TBC1D22A: variants seen among roughly 807,000 people sequenced by gnomAD.
The protein encoded by TBC1D22A is TBC1 domain family member 22A, also known as putative GTPase activator.
In TBC1D22A, 38 loss-of-function variants were observed where a neutral mutation model predicts 60.2. The observed-to-expected ratio is 0.63, with a 90% CI of 0.49 to 0.83. The LOEUF is 0.83. Ranked by LOEUF, TBC1D22A falls within the 40% of genes least tolerant of loss-of-function variation. The pLI is 0.00. For synonymous variants in TBC1D22A, 302 were observed against 281.7 expected, an observed-to-expected ratio of 1.07 and a Z score of -0.72; for missense variants, 628 against 701.0, an observed-to-expected ratio of 0.90 and a Z score of 1.18.
intron 8 of TBC1D22A, among the ~76,000 whole-genome samples, chr22:46,935,316 A>G (rs1467916437): frequency 6.6e-6 from 1 of 152,212 alleles, no homozygotes; most frequent in Non-Finnish European, 1.5e-5. Flanking sequence ...TCAGGACTCT[A>G]AGTGATATCC....
intron 12 of TBC1D22A, among the ~76,000 whole-genome samples, chr22:47,152,787 G>T (rs2067556331): frequency 6.6e-6 from 1 of 152,224 alleles, no homozygotes; most frequent in Non-Finnish European, 1.5e-5. Flanking sequence ...GGCCGTGGCG[G>T]CAGAGCAGAG....
chr22:47,046,797 C>T (rs931014759), intron 11 of TBC1D22A, among the ~76,000 whole-genome samples: 2 of 152,172 alleles, frequency 1.3e-5, no homozygotes, highest in African/African-American at 4.8e-5. Context: ...CCAGGGACCC[C>T]TCTATCCCAG....
chr22:46,891,411 T>C lies in TBC1D22A; in HGVS notation c.837+17T>C. 1 of 1,590,344 alleles carries C rather than the reference T, an allele frequency of 6.3e-7. No homozygotes were observed. Among genetic ancestry groups the C allele is most frequent in the African/African-American group, 1.4e-5 (1 of 73,496 alleles). On this transcript the variant is annotated intron_variant, in intron 6 of 12. Coordinates refer to ENST00000337137, the MANE Select transcript of TBC1D22A (RefSeq NM_014346.5). ...TACAGGCAGGTGGGAATCCTTTCTTTTTTTCGTATGTTGCCTGATGTACTT... is the reference window on the plus strand; with the variant it reads ...TACAGGCAGGTGGGAATCCTTTCTTCTTTTCGTATGTTGCCTGATGTACTT...
intron 4 of TBC1D22A, among the ~76,000 whole-genome samples, chr22:46,798,693 A>G (rs2084763676): frequency 1.3e-5 from 2 of 152,204 alleles, no homozygotes; most frequent in African/African-American, 4.8e-5. Context: ...TGCTTCATTG[A>G]GGGGACAAAC....
At chr22:47,017,267 G>A (rs113771007) in intron 10 of TBC1D22A, among the ~76,000 whole-genome samples, 1 of 152,296 alleles carries the variant, frequency 6.6e-6, no homozygotes, top group East Asian at 1.9e-4. Flanking sequence ...TCACATGGGC[G>A]CATGGGAGGG....
chr22:46,834,832 G>A (rs1210652904), intron 4 of TBC1D22A, among the ~76,000 whole-genome samples: 5 of 152,170 alleles, frequency 3.3e-5, no homozygotes, highest in Non-Finnish European at 7.3e-5. Flanking sequence ...TTGGCAGCTG[G>A]CACAACTGCA....
rs377452726 is a variant in TBC1D22A, at chr22:46,783,608, CAT to C, written c.63-8911_63-8910del. ...CAGGAGCAGTTTTTTTTTTACCACTCATGTGTATCAAAAGTGATATATAGTAT... is the reference window on the plus strand; with the variant it reads ...CAGGAGCAGTTTTTTTTTTACCACTCGTGTATCAAAAGTGATATATAGTAT... On this transcript the variant is annotated intron_variant, in intron 1 of 12. Coordinates refer to ENST00000337137, the MANE Select transcript of TBC1D22A (RefSeq NM_014346.5). 1.8e-3 allele frequency among the ~76,000 whole-genome samples: 272 copies of C among 151,930 alleles called. 1 individual carries two copies. Among genetic ancestry groups the C allele is most frequent in the African/African-American group, 5.8e-3 (241 of 41,378 alleles).
intron 8 of TBC1D22A, among the ~76,000 whole-genome samples, chr22:46,957,793 C>T (rs933131473): frequency 4.6e-5 from 7 of 152,256 alleles, no homozygotes; most frequent in African/African-American, 1.7e-4. Context: ...AAGCGGATCA[C>T]ACCTCTTGCA....
At chr22:46,793,404 A>G in intron 2 of TBC1D22A, 97 bp from the exon 3 acceptor site, 1 of 1,184,036 alleles carries the variant, frequency 8.4e-7, no homozygotes, top group African/African-American at 1.5e-5. Flanking sequence ...AAAGCTGAAC[A>G]CTTCTATGCC....
At chr22:46,867,031 A>T (rs971779640) in intron 4 of TBC1D22A, among the ~76,000 whole-genome samples, 9 of 152,238 alleles carry the variant, frequency 5.9e-5, no homozygotes, top group Admixed American at 5.9e-4. Flanking sequence ...TTGTCATTTC[A>T]TGACAGCTGT....
chr22:46,766,744 G>T (rs1433703290), intron 1 of TBC1D22A, among the ~76,000 whole-genome samples: 4 of 152,054 alleles, frequency 2.6e-5, no homozygotes, highest in African/African-American at 9.7e-5. Context: ...CAACATGTTG[G>T]TGTGGATGGT....
intron 11 of TBC1D22A, among the ~76,000 whole-genome samples, chr22:47,080,513 T>A (rs1316362280): frequency 6.6e-6 from 1 of 152,018 alleles, no homozygotes; most frequent in Non-Finnish European, 1.5e-5. Flanking sequence ...TTCAAAGAAG[T>A]CAAAGGGAAA....
intron 8 of TBC1D22A, among the ~76,000 whole-genome samples, chr22:46,973,136 G>A (rs910942343): frequency 1.3e-5 from 2 of 152,236 alleles, no homozygotes; most frequent in South Asian, 4.1e-4. Flanking sequence ...GGCTGCGACT[G>A]GGGAAGCAGC....
chr22:47,050,011 A>T (rs2063157624), intron 11 of TBC1D22A, among the ~76,000 whole-genome samples: 1 of 152,044 alleles, frequency 6.6e-6, no homozygotes, highest in Non-Finnish European at 1.5e-5. Flanking sequence ...GAGAGGGGGC[A>T]TTTCCTTTTT....
chr22:46,955,058 C>T lies in TBC1D22A; in HGVS notation c.1016-19232C>T, dbSNP rs151192990. Among the ~76,000 whole-genome samples the T allele has an allele frequency of 6.6e-3, 1,005 of 152,226 alleles. 12 individuals carry two copies. The highest frequency in any genetic ancestry group is 0.023 in the African/African-American group (965 of 41,526). On this transcript the variant is annotated intron_variant, in intron 8 of 12. Coordinates refer to ENST00000337137, the MANE Select transcript of TBC1D22A (RefSeq NM_014346.5). ...CTTTTGAGAGCTGTTTTTTCTCATT[C>T]TGGAAGCGTATTTCGTGAGTCTAGT... is the stretch of plus-strand genomic sequence containing the variant.
chr22:46,915,489 C>T (rs1274839043), intron 8 of TBC1D22A: 3 of 456,590 alleles, frequency 6.6e-6, no homozygotes, highest in African/African-American at 2.0e-5. Flanking sequence ...ACCGCTCATA[C>T]ACCTTTGGTG....
chr22:47,061,410 G>A lies in TBC1D22A; in HGVS notation c.1329+24212G>A, dbSNP rs373431300. ...GGTCGTGGTCCCTGCTTGGTTCCCT[G>A]GTTCTGGTAGTCCCTCGAGAGGGGA... On this transcript the variant is annotated intron_variant, in intron 11 of 12. Coordinates refer to ENST00000337137, the MANE Select transcript of TBC1D22A (RefSeq NM_014346.5). 2.0e-3 allele frequency among the ~76,000 whole-genome samples: 308 copies of A among 152,126 alleles called. 10 individuals carry two copies. In the South Asian group the frequency reaches 0.062, roughly 31 times the overall value.
chr22:47,139,064 C>T (rs2147137213), intron 12 of TBC1D22A, among the ~76,000 whole-genome samples: 1 of 152,382 alleles, frequency 6.6e-6, no homozygotes, highest in Middle Eastern at 3.4e-3. Flanking sequence ...GCAGCCGTCT[C>T]CCCTGAGGGC....
At chr22:47,154,593 C>T (rs2067638957) in intron 12 of TBC1D22A, among the ~76,000 whole-genome samples, 1 of 152,186 alleles carries the variant, frequency 6.6e-6, no homozygotes, top group Non-Finnish European at 1.5e-5. Flanking sequence ...GCTGGGGGAC[C>T]CCAGCAGTGC....
Sources: allele counts gnomAD v4.1 joint callset (sites outside exome capture counted in the v4.1 genomes callset), GRCh38; gene constraint gnomAD v4.1.1; transcripts MANE v1.5; gene names NCBI Gene and HGNC (gene_info 2026-07-23, HGNC 2026-07-21).